Variants in ADAMTS2 observed in about 807,000 individuals in gnomAD.
The protein encoded by ADAMTS2 is ADAM metallopeptidase with thrombospondin type 1 motif 2, also known as A disintegrin and metalloproteinase with thrombospondin motifs 2.
ADAMTS2 carries 50 observed loss-of-function variants against 123.0 expected under a neutral mutation model. The ratio of observed to expected loss-of-function variants is 0.41; its 90% CI spans 0.32 to 0.51. The LOEUF (loss-of-function observed/expected upper bound fraction) is 0.51. ADAMTS2 is among the 20% of genes least tolerant of loss of function. The pLI is 0.35. For synonymous variants in ADAMTS2, 678 were observed against 695.4 expected (o/e 0.98, Z 0.39); for missense variants, 1,494 against 1,705.2 (o/e 0.88, Z 2.18).
intron 3 of ADAMTS2, among the ~76,000 whole-genome samples, chr5:179,223,093 A>G (rs190064175): frequency 6.6e-6 from 1 of 152,298 alleles, no homozygotes; most frequent in African/African-American, 2.4e-5. Context: ...TCATTTGTTC[A>G]TTGTTCATTC....
chr5:179,132,292 T>C lies in ADAMTS2; in HGVS notation c.2228A>G (p.Glu743Gly), dbSNP rs1762978783. The change falls in exon 15 of 22, where the codon GAG becomes GGG. Residue 743 changes from glutamate (E) to glycine (G), a missense_variant. By Grantham distance (98) the Glu-to-Gly change is moderately conservative. Transcript: ENST00000251582. This position sits in a 1 kb window ranked among gnomAD's most constrained non-coding sequence, Gnocchi z 6.1. ...PKKHGYIKMFEIPAGARHLLI... is the reference protein window; with the variant it reads ...PKKHGYIKMFGIPAGARHLLI... Reference sequence around the variant, plus strand: ...CAGGTGTCTGGCTCCTGCAGGGATCTCAAACATCTTGATGTAACCTTTTTT... The same window carrying C: ...CAGGTGTCTGGCTCCTGCAGGGATCCCAAACATCTTGATGTAACCTTTTTT... 1 of 1,614,072 alleles carries C rather than the reference T, an allele frequency of 6.2e-7. No individual in the cohort carries two copies. The highest frequency in any genetic ancestry group is 8.5e-7 in the Non-Finnish European group (1 of 1,180,026).
intron 11 of ADAMTS2, among the ~76,000 whole-genome samples, chr5:179,138,886 C>T (rs1265227331): frequency 1.3e-5 from 2 of 152,232 alleles, no homozygotes. Flanking sequence ...GGCCGGAGCG[C>T]AGCAGCCGGG....
At chr5:179,247,306 A>G (rs1765822611) in intron 3 of ADAMTS2, among the ~76,000 whole-genome samples, 1 of 152,222 alleles carries the variant, frequency 6.6e-6, no homozygotes, top group Non-Finnish European at 1.5e-5. Context: ...ACAAAGAATC[A>G]GCAAACTTAC....
At chr5:179,271,810 C>G (rs1434397149) in intron 3 of ADAMTS2, among the ~76,000 whole-genome samples, 2 of 152,214 alleles carry the variant, frequency 1.3e-5, no homozygotes, top group Non-Finnish European at 2.9e-5. Flanking sequence ...CCAGGCTGTA[C>G]CCAATTTTTC....
At chr5:179,119,907 G>A (rs534976577) in intron 21 of ADAMTS2, among the ~76,000 whole-genome samples, 5 of 152,162 alleles carry the variant, frequency 3.3e-5, no homozygotes, top group Non-Finnish European at 7.3e-5. Flanking sequence ...CTTGCGAGGT[G>A]CTCATATGAC....
At chr5:179,217,056 C>T (rs569494130) in intron 3 of ADAMTS2, among the ~76,000 whole-genome samples, 34 of 152,304 alleles carry the variant, frequency 2.2e-4, no homozygotes, top group African/African-American at 7.0e-4. Context: ...TTGCACAGGT[C>T]TGTAAGGAGG....
Position 179,262,787 on chromosome 5 carries a change from C to T in ADAMTS2, c.688+10124G>A, listed in dbSNP as rs1398330255. Among the ~76,000 whole-genome samples, 5 of 152,260 alleles carry T rather than the reference C, an allele frequency of 3.3e-5. No homozygotes were observed. The highest frequency in any genetic ancestry group is 1.2e-4 in the African/African-American group (5 of 41,464). ...GCATCTGCTCACCAGGTCTCCCCTG[C>T]GGGGCTGTGAGCCCAGAGAACAGGG... On this transcript the variant is annotated intron_variant, in intron 3 of 21. Coordinates refer to ENST00000251582, the MANE Select transcript of ADAMTS2 (RefSeq NM_014244.5). The surrounding 1 kb of genome is among the most constrained non-coding windows in gnomAD (Gnocchi z 5.9).
chr5:179,138,032 T>G, intron 11 of ADAMTS2, 88 bp from the exon 12 acceptor site: 4 of 1,411,276 alleles, frequency 2.8e-6, no homozygotes, highest in South Asian at 1.2e-5. Flanking sequence ...TTAGGGGGGA[T>G]CCCTAAGTCT....
At chr5:179,209,259 C>T (rs1764793443) in intron 3 of ADAMTS2, among the ~76,000 whole-genome samples, 1 of 152,362 alleles carries the variant, frequency 6.6e-6, no homozygotes, top group Admixed American at 6.5e-5. Flanking sequence ...GGCCGACTCT[C>T]GGCCAGAAGC....
intron 2 of ADAMTS2, among the ~76,000 whole-genome samples, chr5:179,273,805 A>C (rs2113514917): frequency 6.6e-6 from 1 of 152,010 alleles, no homozygotes; most frequent in South Asian, 2.1e-4. Flanking sequence ...CTCCCTGACT[A>C]CAAACTCCTC....
At chr5:179,335,816 G>A (rs559378785) in intron 2 of ADAMTS2, among the ~76,000 whole-genome samples, 2 of 152,228 alleles carry the variant, frequency 1.3e-5, no homozygotes, top group African/African-American at 4.8e-5. Flanking sequence ...TCAAACAGCC[G>A]CGTGGGAGGG....
At chr5:179,149,580 G>A (rs963996837) in intron 10 of ADAMTS2, among the ~76,000 whole-genome samples, 1 of 152,228 alleles carries the variant, frequency 6.6e-6, no homozygotes, top group Admixed American at 6.5e-5. Flanking sequence ...TGGGCAAGAC[G>A]GTGCCTAACC....
At chr5:179,183,679 AG>A (rs1764100021) in intron 4 of ADAMTS2, among the ~76,000 whole-genome samples, 2 of 152,200 alleles carry the variant, frequency 1.3e-5, no homozygotes, top group Non-Finnish European at 1.5e-5. Flanking sequence ...ACCTGGCTCT[AG>A]GGGGCACCAC....
In ADAMTS2 at chr5:179,217,800, G is replaced by A. The variant is rs80049112; in HGVS notation, c.689-10085C>T. On this transcript the variant is annotated intron_variant, in intron 3 of 21. Coordinates refer to ENST00000251582, the MANE Select transcript of ADAMTS2 (RefSeq NM_014244.5). Reference sequence around the variant, plus strand: ...ACTCACTAGGGGATGGCGCAAGGGGGGGATGGGCACACTCACTAGGGGATG... The same window carrying A: ...ACTCACTAGGGGATGGCGCAAGGGGAGGATGGGCACACTCACTAGGGGATG... Among the ~76,000 whole-genome samples, 5 of 64,286 alleles carry A rather than the reference G, an allele frequency of 7.8e-5. 1 individual carries two copies. Among genetic ancestry groups the A allele is most frequent in the Non-Finnish European group, 6.9e-5 (2 of 29,196 alleles). 42.2% of individuals were successfully genotyped at this position (64,286 alleles called of 152,430 possible). A position where few individuals can be genotyped will look rare whatever the true frequency, so the allele number is the denominator to read the frequency against.
chr5:179,207,505 C>T lies in ADAMTS2; in HGVS notation c.891+8G>A. On this transcript the variant is annotated splice_region_variant and intron_variant, in intron 4 of 21. Coordinates refer to ENST00000251582, the MANE Select transcript of ADAMTS2 (RefSeq NM_014244.5). ...GCCCCACCCTGCCCCCTCAGCCACC[C>T]CACTCACAATGTTCATGAGTGTCAG... 6.2e-7 allele frequency: 1 copy of T among 1,605,832 alleles called. No homozygotes were observed. The highest frequency in any genetic ancestry group is 8.5e-7 in the Non-Finnish European group (1 of 1,174,022).
At chr5:179,247,405 C>T (rs1282120659) in intron 3 of ADAMTS2, among the ~76,000 whole-genome samples, 1 of 151,704 alleles carries the variant, frequency 6.6e-6, no homozygotes, top group East Asian at 1.9e-4. Context: ...CACCAAAATA[C>T]AAAAAATGAG....
In ADAMTS2 at chr5:179,345,388, C is replaced by A; in HGVS notation, c.-60G>T. ...AGCCGGCGCGAAAGTTCCCCGCGAGCCGCCCAGCCCACATCTGGGGGCAGC... is the reference window on the plus strand; with the variant it reads ...AGCCGGCGCGAAAGTTCCCCGCGAGACGCCCAGCCCACATCTGGGGGCAGC... On this transcript the variant is annotated 5_prime_UTR_variant, in exon 1 of 22. Transcript: ENST00000251582. This position sits in a 1 kb window ranked among gnomAD's most constrained non-coding sequence, Gnocchi z 7.5. 9.1e-7 allele frequency: 1 copy of A among 1,100,416 alleles called. No homozygotes were observed. The highest frequency in any genetic ancestry group is 1.1e-6 in the Non-Finnish European group (1 of 903,728). The allele number at this position is 1,100,416 out of a possible 1,614,324, so 68.2% of individuals were successfully genotyped here. A position where few individuals can be genotyped will look rare whatever the true frequency, so the allele number is the denominator to read the frequency against.
At chr5:179,321,896 G>C (rs535026810) in intron 2 of ADAMTS2, among the ~76,000 whole-genome samples, 1 of 152,050 alleles carries the variant, frequency 6.6e-6, no homozygotes, top group Non-Finnish European at 1.5e-5. Context: ...TGGAGATCCC[G>C]GCCTCTCCAT....
chr5:179,283,977 T>TTATTAC (rs1374326141), intron 2 of ADAMTS2, among the ~76,000 whole-genome samples: 1 of 135,646 alleles, frequency 7.4e-6, no homozygotes, highest in Non-Finnish European at 1.6e-5. Flanking sequence ...ATTATTATTA[T>TTATTAC]TATTATTATT....
Sources: allele counts gnomAD v4.1 joint callset (sites outside exome capture counted in the v4.1 genomes callset), GRCh38; gene constraint gnomAD v4.1.1; non-coding constraint Gnocchi (gnomAD v3.1); transcripts MANE v1.5; gene names NCBI Gene and HGNC (gene_info 2026-07-23, HGNC 2026-07-21).